CYP4A22: variants seen among roughly 807,000 people sequenced by gnomAD.
CYP4A22 encodes the protein cytochrome P450 4A22.
A neutral mutation model predicts 56.2 loss-of-function variants in CYP4A22; 46 were observed. That is an observed-to-expected ratio of 0.82 (90% CI 0.65 to 1.05). The LOEUF (loss-of-function observed/expected upper bound fraction) is 1.05. Among genes scored for constraint, CYP4A22 ranks in the 50% least tolerant of loss-of-function variants. The pLI is 0.00. For synonymous variants in CYP4A22, 193 were observed against 251.1 expected, an observed-to-expected ratio of 0.77 and a Z score of 2.19; for missense variants, 541 against 645.9, an observed-to-expected ratio of 0.84 and a Z score of 1.76.
At position 47,140,798 on chromosome 1, in the gene CYP4A22, C is replaced by A. The variant is rs56258513; in HGVS notation, c.214C>A (p.Leu72Ile). 9.0e-3 allele frequency: 14,468 copies of A among 1,614,146 alleles called. 102 individuals are homozygous for A. The highest frequency in any genetic ancestry group is 0.01 in the Non-Finnish European group (12,026 of 1,179,990). The change falls in exon 2 of 12, where the codon CTA becomes ATA. Residue 72 changes from leucine (L) to isoleucine (I), a missense_variant. By Grantham distance (5) the Leu-to-Ile change is conservative. Around this residue, in one of 3 missense-constraint regions of CYP4A22, gnomAD observed 335 missense variants for 361.2 expected, o/e 0.93. Transcript: ENST00000371891. The stretch of plus-strand genomic sequence containing the variant: ...TTGACAGTTCCAACACGACCAGGAG[C>A]TACAACGGATTCAGGAACGGGTGAA... ...HIQEFQHDQE[L>I]QRIQERVKTF...
At position 47,141,621 on chromosome 1, in the gene CYP4A22, T is replaced by C; in HGVS notation, c.382+6T>C. ...ATTCCTGGCTCCACGGATTGGTATG[T>C]GTGCAAACTAGGACTGCAGCCCACT... On this transcript the variant is annotated splice_donor_region_variant and intron_variant, in intron 3 of 11. Transcript: ENST00000371891. The C allele has an allele frequency of 6.2e-7, 1 of 1,613,692 alleles. No individual in the cohort carries two copies. The highest frequency in any genetic ancestry group is 8.5e-7 in the Non-Finnish European group (1 of 1,179,750).
intron 10 of CYP4A22, 67 bp downstream of exon 10, chr1:47,145,997 C>G: frequency 6.2e-7 from 1 of 1,614,046 alleles, no homozygotes; most frequent in East Asian, 2.2e-5. Flanking sequence ...CTGCTTCCAC[C>G]TCTGGGAGTA....
At chr1:47,145,211 C>T (rs34004397) in intron 9 of CYP4A22, among the ~76,000 whole-genome samples, 3 of 152,148 alleles carry the variant, frequency 2.0e-5, no homozygotes, top group African/African-American at 7.2e-5. Flanking sequence ...ACTGTAAAAT[C>T]CTATTCCTTG....
At chr1:47,143,722 C>T (rs1187927419) in intron 5 of CYP4A22, 40 bp from the exon 6 acceptor site, 6 of 1,558,526 alleles carry the variant, frequency 3.8e-6, no homozygotes, top group East Asian at 4.5e-5. Flanking sequence ...GGGTAATGGG[C>T]CCACCCCTAC....
intron 11 of CYP4A22, chr1:47,146,890 A>G (rs1325090188): frequency 2.0e-6 from 2 of 985,448 alleles, no homozygotes; most frequent in African/African-American, 3.5e-5. Flanking sequence ...CAAAAACATA[A>G]AAATGTGAAC....
chr1:47,147,018 A>G lies in CYP4A22; in HGVS notation c.1364+865A>G, dbSNP rs1370483558. The G allele has an allele frequency of 4.1e-6, 4 of 985,232 alleles. No individual in the cohort carries two copies. In the African/African-American group the frequency reaches 7.0e-5, roughly 17 times the overall value. 61.0% of individuals were successfully genotyped at this position (985,232 alleles called of 1,614,324 possible). A position where few individuals can be genotyped will look rare whatever the true frequency, so the allele number is the denominator to read the frequency against. On this transcript the variant is annotated intron_variant, in intron 11 of 11. Coordinates refer to ENST00000371891, the MANE Select transcript of CYP4A22 (RefSeq NM_001010969.4). ...AATAGCTATTGAGCTGGAGAGGAAA[A>G]CTCCAGAATGGCTGCGGTGGAAATC...
Position 47,143,852 on chromosome 1 carries a change from C to T in CYP4A22, c.726C>T (p.Ile242=). The change falls in exon 6 of 12, where the codon ATC becomes ATT. Residue 242 remains isoleucine (I), a synonymous_variant. Transcript: ENST00000371891. ...ATGCCTTTCATGAGAATGACACCAT[C>T]TACAGCCTGACCTCTGCTGGCCGCT... The part of the protein sequence containing the change: ...MRNAFHENDT[I]YSLTSAGRWT... 1 of 1,614,180 alleles carries T rather than the reference C, an allele frequency of 6.2e-7. No homozygotes were observed. The highest frequency in any genetic ancestry group is 8.5e-7 in the Non-Finnish European group (1 of 1,180,020).
At chr1:47,139,618 G>C (rs890956798) in intron 1 of CYP4A22, among the ~76,000 whole-genome samples, 2 of 152,210 alleles carry the variant, frequency 1.3e-5, no homozygotes, top group Non-Finnish European at 2.9e-5. Flanking sequence ...TGGGCACATA[G>C]TATGTGTGCA....
chr1:47,145,725 A>G (rs1645068476), intron 9 of CYP4A22, 141 bp from the exon 10 acceptor site: 1 of 1,241,068 alleles, frequency 8.1e-7, no homozygotes, highest in Non-Finnish European at 1.1e-6. Flanking sequence ...ACCCACCTGC[A>G]TAATGGCAGA....
At chr1:47,144,762 G>A (rs1645056734) in intron 8 of CYP4A22, 22 bp downstream of exon 8, 1 of 1,612,514 alleles carries the variant, frequency 6.2e-7, no homozygotes, top group Non-Finnish European at 8.5e-7. Flanking sequence ...CTCAAAAGAT[G>A]GGGTTCCCTG....
rs1645019861 is a variant in CYP4A22, at chr1:47,142,236, G to A, written c.510+1G>A. 1 of 1,600,456 alleles carries A rather than the reference G, an allele frequency of 6.2e-7. No homozygotes were observed. Among genetic ancestry groups the A allele is most frequent in the Non-Finnish European group, 8.5e-7 (1 of 1,173,060 alleles). On this transcript the variant is annotated splice_donor_variant, in intron 4 of 11. Coordinates refer to ENST00000371891, the MANE Select transcript of CYP4A22 (RefSeq NM_001010969.4). LOFTEE classifies it high-confidence loss of function. ...GGCAGACTCTGTACGAGTGATGCTGGTGAGTCCATGTCTCTCTCCTCTCCC... is the reference window on the plus strand; with the variant it reads ...GGCAGACTCTGTACGAGTGATGCTGATGAGTCCATGTCTCTCTCCTCTCCC...
chr1:47,145,791 G>T, intron 9 of CYP4A22, 75 bp from the exon 10 acceptor site: 1 of 1,593,000 alleles, frequency 6.3e-7, no homozygotes, highest in Non-Finnish European at 8.6e-7. Context: ...GCCTTCTTTT[G>T]CCCCTGCAGG....
intron 11 of CYP4A22, chr1:47,147,362 T>C (rs777652632): frequency 1.3e-5 from 13 of 984,914 alleles, no homozygotes; most frequent in Non-Finnish European, 1.6e-5. Flanking sequence ...TTATTCATTT[T>C]AAAACTTAAA....
intron 1 of CYP4A22, among the ~76,000 whole-genome samples, chr1:47,139,460 AG>A (rs1644982813): frequency 2.6e-5 from 4 of 152,288 alleles, no homozygotes; most frequent in Admixed American, 2.0e-4. Context: ...CCCTCTTCAA[AG>A]CTTCCCCAGA....
rs757085008 is a variant in CYP4A22 at position 47,140,929 on chromosome 1, C to A, written c.337+8C>A. The A allele has an allele frequency of 1.2e-6, 2 of 1,613,460 alleles. No individual in the cohort carries two copies. The highest frequency in any genetic ancestry group is 1.7e-6 in the Non-Finnish European group (2 of 1,179,782). On this transcript the variant is annotated splice_region_variant and intron_variant, in intron 2 of 11. Transcript: ENST00000371891. ...TGATTCTGGGGAGATCAGGTGAGAT[C>A]GAACCCCCATCCCAACTGCAATTTC...
Position 47,137,698 on chromosome 1 carries a change from G to T in CYP4A22, c.195+18G>T, listed in dbSNP as rs779738373. 56 of 1,596,472 alleles carry T rather than the reference G, an allele frequency of 3.5e-5. No individual in the cohort carries two copies. In the Admixed American group the frequency reaches 9.2e-4, roughly 26 times the overall value. ...TCCAGGAGGTAGGGAGGAACTCAGT[G>T]GGGGAGTGGGAGGGCAAGGAGGGAT... On this transcript the variant is annotated intron_variant, in intron 1 of 11. Transcript: ENST00000371891.
chr1:47,141,599 C>T lies in CYP4A22; in HGVS notation c.366C>T (p.Phe122=), dbSNP rs756026269. The change falls in exon 3 of 12, where the codon TTC becomes TTT. Residue 122 remains phenylalanine, a synonymous_variant. Coordinates refer to ENST00000371891, the MANE Select transcript of CYP4A22 (RefSeq NM_001010969.4). ...CGAAATCCCATGGATCCTACAAATT[C>T]CTGGCTCCACGGATTGGTATGTGTG... ...SDPKSHGSYK[F]LAPRIGYGLL... The T allele has an allele frequency of 6.2e-7, 1 of 1,613,786 alleles. No homozygotes were observed. The highest frequency in any genetic ancestry group is 8.5e-7 in the Non-Finnish European group (1 of 1,179,782).
At chr1:47,137,702 G>A in intron 1 of CYP4A22, 22 bp downstream of exon 1, 1 of 1,593,782 alleles carries the variant, frequency 6.3e-7, no homozygotes. Context: ...CTCAGTGGGG[G>A]AGTGGGAGGG....
chr1:47,142,276 G>A, intron 4 of CYP4A22, 41 bp downstream of exon 4: 2 of 1,550,010 alleles, frequency 1.3e-6, no homozygotes, highest in South Asian at 1.3e-5. Context: ...CCCACTCACA[G>A]CACACACTCT....
Sources: gnomAD v4.1 joint callset for allele counts (sites outside exome capture counted in the v4.1 genomes callset) on GRCh38, gnomAD v4.1.1 for gene constraint, gnomAD v4.1.1 regional missense constraint, MANE v1.5 for transcripts, NCBI Gene and HGNC (gene_info 2026-07-23, HGNC 2026-07-21) for gene names.